The following SNTB1 variants were observed in gnomAD, a reference collection of about 807,000 sequenced individuals.
SNTB1 encodes the protein syntrophin beta 1, also known as beta-1-syntrophin.
A neutral mutation model predicts 48.9 loss-of-function variants in SNTB1; 36 were observed. The observed-to-expected ratio is 0.74, with a 90% CI of 0.56 to 0.97. SNTB1 has a LOEUF of 0.97. Ranked by LOEUF, SNTB1 falls within the 50% of genes least tolerant of loss-of-function variation. The probability of loss-of-function intolerance (pLI) is 0.00; values close to 1 mark genes in which losing one functional copy is unlikely to be tolerated. For missense variants in SNTB1, 786 were observed against 703.4 expected (o/e 1.12, Z -1.33); for synonymous variants, 299 against 294.6 (o/e 1.01, Z -0.15).
intron 1 of SNTB1, among the ~76,000 whole-genome samples, chr8:120,792,476 C>G (rs1181257467): frequency 6.6e-6 from 1 of 151,942 alleles, no homozygotes; most frequent in Non-Finnish European, 1.5e-5. Context: ...CAAAAATCTA[C>G]TTTATCCCTA....
intron 3 of SNTB1, among the ~76,000 whole-genome samples, chr8:120,583,835 C>T (rs140043637): frequency 5.3e-5 from 8 of 152,180 alleles, no homozygotes; most frequent in African/African-American, 1.2e-4. Context: ...TAGATCCAAA[C>T]TTTCTAAACA....
intron 1 of SNTB1, among the ~76,000 whole-genome samples, chr8:120,780,563 A>G (rs1291506802): frequency 6.6e-6 from 1 of 152,234 alleles, no homozygotes; most frequent in African/African-American, 2.4e-5. Context: ...ACTTTATAGC[A>G]TTTCCAGAAA....
At chr8:120,718,573 A>G (rs1333683803) in intron 1 of SNTB1, among the ~76,000 whole-genome samples, 2 of 152,206 alleles carry the variant, frequency 1.3e-5, no homozygotes, top group Non-Finnish European at 2.9e-5. Context: ...ACCTCCATTC[A>G]TACTCATGTT....
At chr8:120,803,318 T>A (rs996507019) in intron 1 of SNTB1, among the ~76,000 whole-genome samples, 5 of 152,166 alleles carry the variant, frequency 3.3e-5, no homozygotes, top group Admixed American at 6.6e-5. Context: ...ATGAGTCTGT[T>A]AGGGCATTGA....
At chr8:120,685,050 G>A (rs988109864) in intron 2 of SNTB1, among the ~76,000 whole-genome samples, 7 of 152,230 alleles carry the variant, frequency 4.6e-5, no homozygotes, top group African/African-American at 1.7e-4. Context: ...CCAGGCTCCA[G>A]GTAGCCCTGC....
rs532365811 is a variant in SNTB1, at chr8:120,664,407, G to T, written c.788+29285C>A. Among the ~76,000 whole-genome samples the T allele has an allele frequency of 3.3e-5, 5 of 152,224 alleles. No homozygotes were observed. The South Asian group carries it at 1.0e-3, about 32-fold the overall frequency. On this transcript the variant is annotated intron_variant, in intron 2 of 6. Coordinates refer to ENST00000517992, the MANE Select transcript of SNTB1 (RefSeq NM_021021.4). The stretch of plus-strand genomic sequence containing the variant: ...GGCATAATTGATATGCAATAAATTG[G>T]ACATACTTTAAGTGCACAATAATTT...
intron 5 of SNTB1, among the ~76,000 whole-genome samples, chr8:120,544,684 C>T (rs560172822): frequency 6.6e-6 from 1 of 152,290 alleles, no homozygotes; most frequent in Non-Finnish European, 1.5e-5. Context: ...CTACAACACT[C>T]CCCAAATGGT....
rs557647143 is a variant in SNTB1 at position 120,556,808 on chromosome 8, A to G, written c.1137-7850T>C. On this transcript the variant is annotated intron_variant, in intron 4 of 6. Coordinates refer to ENST00000517992, the MANE Select transcript of SNTB1 (RefSeq NM_021021.4). The stretch of plus-strand genomic sequence containing the variant: ...TCTCTTGAGATTAATTTGCATTGGC[A>G]TATTACCAACTCCCAGCCAATAAAT... 2.0e-5 allele frequency among the ~76,000 whole-genome samples: 3 copies of G among 152,368 alleles called. No individual in the cohort carries two copies. The East Asian group carries it at 5.8e-4, about 29-fold the overall frequency.
chr8:120,645,380 A>C (rs995213198), intron 2 of SNTB1, among the ~76,000 whole-genome samples: 1 of 148,304 alleles, frequency 6.7e-6, no homozygotes, highest in Non-Finnish European at 1.5e-5. Context: ...CTTTCTACAT[A>C]TGGCTAGCCA....
At chr8:120,539,605 G>A (rs1012965966) in intron 6 of SNTB1, among the ~76,000 whole-genome samples, 2 of 152,164 alleles carry the variant, frequency 1.3e-5, no homozygotes, top group African/African-American at 4.8e-5. Context: ...TTGAGAACCT[G>A]GCACATGCAA....
intron 2 of SNTB1, among the ~76,000 whole-genome samples, chr8:120,649,218 G>A (rs531608262): frequency 1.4e-4 from 22 of 151,836 alleles, no homozygotes; most frequent in African/African-American, 4.1e-4. Flanking sequence ...GAGGAACTGC[G>A]TTCCCTTGGA....
intron 1 of SNTB1, among the ~76,000 whole-genome samples, chr8:120,799,307 A>G (rs1016919554): frequency 2.6e-5 from 4 of 152,048 alleles, no homozygotes; most frequent in Non-Finnish European, 5.9e-5. Context: ...AATAGATGAA[A>G]TTATCAGATA....
At chr8:120,604,325 A>G (rs111902033) in intron 3 of SNTB1, among the ~76,000 whole-genome samples, 3,248 of 152,124 alleles carry the variant, frequency 0.021, 120 homozygotes, top group African/African-American at 0.075. Flanking sequence ...CTGAATCTCC[A>G]TCAAATGTCA....
intron 3 of SNTB1, among the ~76,000 whole-genome samples, chr8:120,620,333 AAT>A (rs1215043168): frequency 6.6e-6 from 1 of 152,182 alleles, no homozygotes; most frequent in African/African-American, 2.4e-5. Context: ...AGTAGGTATT[AAT>A]ATCTTTTTTT....
intron 2 of SNTB1, chr8:120,637,033 T>C: frequency 2.8e-6 from 1 of 360,182 alleles, no homozygotes; most frequent in Non-Finnish European, 5.4e-6. Context: ...GTCAAATCTA[T>C]AAGTAACTGA....
At chr8:120,655,007 A>G (rs766883553) in intron 2 of SNTB1, 11 of 455,880 alleles carry the variant, frequency 2.4e-5, no homozygotes, top group South Asian at 1.7e-4. Flanking sequence ...GGTCGCCTTC[A>G]GTTCCTCAAA....
intron 1 of SNTB1, among the ~76,000 whole-genome samples, chr8:120,721,030 G>A (rs1020580400): frequency 6.6e-6 from 1 of 152,150 alleles, no homozygotes; most frequent in African/African-American, 2.4e-5. Context: ...GAGACAGCCT[G>A]GGTAGCCTCC....
At chr8:120,717,534 G>C (rs568293590) in intron 1 of SNTB1, among the ~76,000 whole-genome samples, 3 of 152,260 alleles carry the variant, frequency 2.0e-5, no homozygotes, top group Non-Finnish European at 4.4e-5. Context: ...ATGGATTCTG[G>C]GGTGGGCAAA....
intron 1 of SNTB1, among the ~76,000 whole-genome samples, chr8:120,730,597 G>A (rs1020196368): frequency 1.3e-5 from 2 of 152,094 alleles, no homozygotes; most frequent in Non-Finnish European, 2.9e-5. Flanking sequence ...ACCTTCTTAC[G>A]TCTCTTCAAA....
Sources: allele counts gnomAD v4.1 joint callset (sites outside exome capture counted in the v4.1 genomes callset), GRCh38; gene constraint gnomAD v4.1.1; transcripts MANE v1.5; gene names NCBI Gene and HGNC (gene_info 2026-07-23, HGNC 2026-07-21).